The following ATG7 variants were observed in gnomAD, a reference collection of about 807,000 sequenced individuals.
The protein encoded by ATG7 is ubiquitin-like modifier-activating enzyme ATG7.
Under a neutral mutation model 82.4 loss-of-function variants are expected in ATG7, and 70 were observed. That is an observed-to-expected ratio of 0.85 (90% CI 0.70 to 1.04). The LOEUF is 1.04. ATG7 is among the 50% of genes least tolerant of loss of function. The pLI, the probability that ATG7 is intolerant of heterozygous loss-of-function variation, is 0.00. For missense variants in ATG7, 792 were observed against 864.3 expected (o/e 0.92, Z 1.05); for synonymous variants, 287 against 313.0 (o/e 0.92, Z 0.88).
chr3:11,510,925 C>T (rs1221670770), intron 20 of ATG7, among the ~76,000 whole-genome samples: 5 of 152,078 alleles, frequency 3.3e-5, no homozygotes, highest in Non-Finnish European at 5.9e-5. Context: ...AGAATGAAGC[C>T]GCGGACCCTC....
chr3:11,365,126 A>G (rs2152818734), intron 18 of ATG7, among the ~76,000 whole-genome samples: 1 of 152,338 alleles, frequency 6.6e-6, no homozygotes, highest in East Asian at 1.9e-4. Context: ...TGTAACATAG[A>G]GAAGGTAATG....
At chr3:11,560,689 G>C (rs529170090), downstream of ATG7, among the ~76,000 whole-genome samples, 12 of 152,262 alleles carry the variant, frequency 7.9e-5, 1 homozygote, top group South Asian at 1.5e-3. Context: ...TGCCAGGGTA[G>C]GGGGGGATGT....
chr3:11,543,837 G>A (rs1441674965), intron 20 of ATG7, among the ~76,000 whole-genome samples: 1 of 152,230 alleles, frequency 6.6e-6, no homozygotes, highest in East Asian at 1.9e-4. Flanking sequence ...CGGACCTCTG[G>A]GGACGGGAGG....
intron 20 of ATG7, among the ~76,000 whole-genome samples, chr3:11,443,701 G>A (rs528525172): frequency 3.3e-5 from 5 of 152,236 alleles, no homozygotes; most frequent in Admixed American, 2.6e-4. Context: ...CACTGCACCT[G>A]GCCGAGGAGG....
chr3:11,277,838 C>T (rs536140175), intron 1 of ATG7, among the ~76,000 whole-genome samples: 311 of 147,240 alleles, frequency 2.1e-3, no homozygotes, highest in Non-Finnish European at 3.6e-3. Context: ...GGGCATATTT[C>T]AGTCCTTATC....
At chr3:11,412,080 T>A (rs1377738007) in intron 19 of ATG7, among the ~76,000 whole-genome samples, 1 of 151,970 alleles carries the variant, frequency 6.6e-6, no homozygotes, top group African/African-American at 2.4e-5. Context: ...GAAACAAGGC[T>A]TTAAATCTGG....
intron 18 of ATG7, among the ~76,000 whole-genome samples, chr3:11,376,429 C>G (rs2077421362): frequency 6.6e-6 from 1 of 152,154 alleles, no homozygotes; most frequent in South Asian, 2.1e-4. Context: ...GGTAGAGATA[C>G]TATTTCTAGA....
the ATG7 span, among the ~76,000 whole-genome samples, chr3:11,566,562 G>C: frequency 6.6e-6 from 1 of 152,230 alleles, no homozygotes; most frequent in South Asian, 2.1e-4. Context: ...CCTCATCTCT[G>C]GCTTCACGCC....
chr3:11,301,322 T>C (rs929438539), intron 5 of ATG7, among the ~76,000 whole-genome samples: 1 of 152,214 alleles, frequency 6.6e-6, no homozygotes, highest in Non-Finnish European at 1.5e-5. Flanking sequence ...TTTTTTCTGC[T>C]TTATTGTACC....
intron 20 of ATG7, among the ~76,000 whole-genome samples, chr3:11,510,535 C>A (rs891110711): frequency 1.3e-5 from 2 of 151,646 alleles, no homozygotes; most frequent in African/African-American, 2.4e-5. Context: ...CTCAACCCCC[C>A]ATCTCCAAAG....
At position 11,493,688 on chromosome 3, in the gene ATG7, A is replaced by G. The variant is rs143654799; in HGVS notation, c.2080-61123A>G. On this transcript the variant is annotated intron_variant, in intron 20 of 20. Transcript: ENST00000693202. Reference sequence around the variant, plus strand: ...CCTAACCAGGTAAAACACAGCAGGCACAAGGTAGGTAAATACTTAGATACA... The same window carrying G: ...CCTAACCAGGTAAAACACAGCAGGCGCAAGGTAGGTAAATACTTAGATACA... Among the ~76,000 whole-genome samples the G allele has an allele frequency of 3.5e-3, 536 of 152,354 alleles. 1 individual carries two copies. Among genetic ancestry groups the G allele is most frequent in the African/African-American group, 0.012 (510 of 41,578 alleles).
chr3:11,286,629 C>T lies in ATG7; in HGVS notation c.-11+4191C>T, dbSNP rs569736591. 2.5e-4 allele frequency among the ~76,000 whole-genome samples: 33 copies of T among 129,770 alleles called. No homozygotes were observed. In the South Asian group the frequency reaches 7.4e-3, roughly 29 times the overall value. 85.1% of individuals were successfully genotyped at this position (129,770 alleles called of 152,430 possible). A position where few individuals can be genotyped will look rare whatever the true frequency, so the allele number is the denominator to read the frequency against. On this transcript the variant is annotated intron_variant, in intron 3 of 20. Transcript: ENST00000693202. ...TTTTTGAGACAGGGTCTGGCTCGATCACCTGGGCTGGAGTGCAGTGGTGCC... is the reference window on the plus strand; with the variant it reads ...TTTTTGAGACAGGGTCTGGCTCGATTACCTGGGCTGGAGTGCAGTGGTGCC...
intron 1 of ATG7, among the ~76,000 whole-genome samples, chr3:11,277,845 T>TA (rs1942145635): frequency 6.8e-6 from 1 of 146,244 alleles, no homozygotes; most frequent in African/African-American, 2.6e-5. Context: ...TTTCAGTCCT[T>TA]ATCTCAACTG....
chr3:11,332,734 AATC>A (rs2152756424), intron 10 of ATG7: 1 of 321,778 alleles, frequency 3.1e-6, no homozygotes, highest in South Asian at 1.5e-4. Flanking sequence ...TGTAGAAAGA[AATC>A]ACCTAGAAAG....
At position 11,442,739 on chromosome 3, in the gene ATG7, C is replaced by CCAAAAAAAAAAAAAAAAAAA. The variant is rs1553668928; in HGVS notation, c.2079+15813_2079+15814insCAAAAAAAAAAAAAAAAAAA. ...GCAGCATAGTGAGACTCCATCTCTA[C>CCAAAAAAAAAAAAAAAAAAA]AAAAAAAAAAAAAAAAAAAAAAAAA... On this transcript the variant is annotated intron_variant, in intron 20 of 20. Transcript: ENST00000693202. 1.3e-4 allele frequency among the ~76,000 whole-genome samples: 9 copies of CCAAAAAAAAAAAAAAAAAAA among 69,250 alleles called. 2 individuals are homozygous for CCAAAAAAAAAAAAAAAAAAA. Among genetic ancestry groups the CCAAAAAAAAAAAAAAAAAAA allele is most frequent in the Non-Finnish European group, 1.5e-4 (6 of 39,782 alleles). The allele number at this position is 69,250 out of a possible 152,430, so 45.4% of individuals were successfully genotyped here. A position where few individuals can be genotyped will look rare whatever the true frequency, so the allele number is the denominator to read the frequency against.
intron 20 of ATG7, among the ~76,000 whole-genome samples, chr3:11,459,020 AC>A (rs1234160194): frequency 1.3e-5 from 2 of 150,908 alleles, no homozygotes; most frequent in Non-Finnish European, 1.5e-5. Flanking sequence ...TTCATTCATC[AC>A]CCCCCCATCT....
At chr3:11,332,517 C>T (rs1313507934) in intron 10 of ATG7, among the ~76,000 whole-genome samples, 1 of 152,084 alleles carries the variant, frequency 6.6e-6, no homozygotes, top group Non-Finnish European at 1.5e-5. Context: ...AGACAATCTA[C>T]AATTATCCAG....
chr3:11,539,283 G>T (rs1211978975), intron 20 of ATG7, among the ~76,000 whole-genome samples: 1 of 152,186 alleles, frequency 6.6e-6, no homozygotes, highest in Admixed American at 6.5e-5. Flanking sequence ...GAACACAGAG[G>T]CACAAAGAGA....
chr3:11,335,384 G>A (rs1952288052), intron 11 of ATG7, among the ~76,000 whole-genome samples: 1 of 152,082 alleles, frequency 6.6e-6, no homozygotes, highest in African/African-American at 2.4e-5. Context: ...TAGCTGATGA[G>A]CTAAAAAACA....
Sources: allele counts gnomAD v4.1 joint callset (sites outside exome capture counted in the v4.1 genomes callset), GRCh38; gene constraint gnomAD v4.1.1; transcripts MANE v1.5; gene names NCBI Gene and HGNC (gene_info 2026-07-23, HGNC 2026-07-21).